The following WDPCP variants were observed in gnomAD, a reference collection of about 807,000 sequenced individuals.
WDPCP encodes the protein WD repeat-containing and planar cell polarity effector protein fritz homolog.
In WDPCP, 71 loss-of-function variants were observed where a neutral mutation model predicts 93.1. The ratio of observed to expected loss-of-function variants is 0.76; its 90% CI spans 0.63 to 0.93. The LOEUF is 0.93. Ranked by LOEUF, WDPCP falls within the 40% of genes least tolerant of loss-of-function variation. The pLI is 0.00. For missense variants in WDPCP, 844 were observed against 887.4 expected, an observed-to-expected ratio of 0.95 and a Z score of 0.62; for synonymous variants, 315 against 315.0, an observed-to-expected ratio of 1.00 and a Z score of 0.00.
intron 2 of WDPCP, among the ~76,000 whole-genome samples, chr2:63,747,101 G>T (rs970947311): frequency 6.6e-6 from 1 of 152,004 alleles, no homozygotes; most frequent in African/African-American, 2.4e-5. Context: ...AATATCGGGG[G>T]CTGAATTTTC....
intron 12 of WDPCP, among the ~76,000 whole-genome samples, chr2:63,346,523 T>G (rs558128218): frequency 2.0e-5 from 3 of 152,166 alleles, no homozygotes; most frequent in Non-Finnish European, 4.4e-5. Context: ...GAACATATAA[T>G]TCCCACAGGC....
At chr2:63,187,217 C>CT (rs1168871562) in intron 14 of WDPCP, among the ~76,000 whole-genome samples, 2 of 152,120 alleles carry the variant, frequency 1.3e-5, no homozygotes, top group African/African-American at 4.8e-5. Context: ...CATAGCATAT[C>CT]TTTTTTCATC....
chr2:63,312,891 G>A (rs1370543530), intron 13 of WDPCP, among the ~76,000 whole-genome samples: 6 of 152,022 alleles, frequency 3.9e-5, no homozygotes, highest in Non-Finnish European at 7.4e-5. Flanking sequence ...TTTGCCCTAT[G>A]TCCTGGATTC....
At chr2:63,722,875 G>A (rs1669446000) in intron 2 of WDPCP, among the ~76,000 whole-genome samples, 3 of 152,078 alleles carry the variant, frequency 2.0e-5, no homozygotes, top group African/African-American at 7.2e-5. Flanking sequence ...TTGAGAAATC[G>A]GATGGTTGCC....
At chr2:63,122,963 C>T (rs1189750628) in intron 17 of WDPCP, among the ~76,000 whole-genome samples, 1 of 148,016 alleles carries the variant, frequency 6.8e-6, no homozygotes, top group Non-Finnish European at 1.5e-5. Flanking sequence ...AGTCACATAT[C>T]AAAGGAAACA....
At position 63,238,288 on chromosome 2, in the gene WDPCP, T is replaced by C. The variant is rs569141476; in HGVS notation, c.1915+21019A>G. 2.3e-4 allele frequency among the ~76,000 whole-genome samples: 35 copies of C among 152,308 alleles called. No homozygotes were observed. The East Asian group carries it at 2.9e-3, about 13-fold the overall frequency. On this transcript the variant is annotated intron_variant, in intron 14 of 17. Coordinates refer to ENST00000272321, the MANE Select transcript of WDPCP (RefSeq NM_015910.7). The stretch of plus-strand genomic sequence containing the variant: ...AAGCTTCTGGGAAACTCCTGAATTA[T>C]TGATGTTGTAAAGCTGCAGTTTCCA...
chr2:63,161,644 A>G (rs967570366), intron 15 of WDPCP, among the ~76,000 whole-genome samples: 5 of 152,236 alleles, frequency 3.3e-5, no homozygotes, highest in African/African-American at 1.2e-4. Flanking sequence ...GTTGAAAATC[A>G]TAATAAATGG....
chr2:63,569,931 T>C (rs1707358352), intron 1 of WDPCP, among the ~76,000 whole-genome samples: 1 of 152,172 alleles, frequency 6.6e-6, no homozygotes, highest in African/African-American at 2.4e-5. Context: ...TGAGTACCTA[T>C]ATATAGTTAA....
At chr2:63,200,062 T>C (rs139515956) in intron 14 of WDPCP, among the ~76,000 whole-genome samples, 2 of 152,328 alleles carry the variant, frequency 1.3e-5, no homozygotes, top group African/African-American at 4.8e-5. Context: ...CAAACTTGCA[T>C]GGGGCCTGTA....
chr2:63,266,017 A>C (rs1575015988), intron 13 of WDPCP, among the ~76,000 whole-genome samples: 3 of 152,308 alleles, frequency 2.0e-5, no homozygotes, highest in Admixed American at 2.0e-4. Flanking sequence ...CAACACAATA[A>C]AGGCCATATA....
intron 2 of WDPCP, among the ~76,000 whole-genome samples, chr2:63,666,477 C>T (rs1710284449): frequency 6.6e-6 from 1 of 152,214 alleles, no homozygotes; most frequent in Non-Finnish European, 1.5e-5. Context: ...ATGTTTAAAA[C>T]TCCAGTTTGA....
At chr2:63,424,400 A>G (rs1394068203) in intron 9 of WDPCP, among the ~76,000 whole-genome samples, 2 of 152,154 alleles carry the variant, frequency 1.3e-5, no homozygotes, top group African/African-American at 2.4e-5. Flanking sequence ...TGTCTTTCTC[A>G]TAAGACTGAG....
chr2:63,139,611 A>G (rs1047075776), intron 17 of WDPCP, among the ~76,000 whole-genome samples: 10 of 152,040 alleles, frequency 6.6e-5, no homozygotes, highest in African/African-American at 2.4e-4. Flanking sequence ...GGCCATTTGT[A>G]TATGTTCTTT....
At chr2:63,644,125 A>G (rs538917369) in intron 3 of WDPCP, 61 of 335,808 alleles carry the variant, frequency 1.8e-4, no homozygotes, top group African/African-American at 1.1e-3. Flanking sequence ...TTTTTGCATC[A>G]ATGTTCATCA....
intron 10 of WDPCP, among the ~76,000 whole-genome samples, chr2:63,388,893 A>G (rs1038213012): frequency 3.3e-5 from 5 of 152,202 alleles, no homozygotes; most frequent in Non-Finnish European, 7.3e-5. Flanking sequence ...GAAATATGGG[A>G]CTATGTAAAA....
intron 13 of WDPCP, among the ~76,000 whole-genome samples, chr2:63,302,113 A>G (rs1444559447): frequency 1.3e-5 from 2 of 152,188 alleles, no homozygotes. Flanking sequence ...ACAGGACCTT[A>G]GGCAAATAAA....
intron 3 of WDPCP, among the ~76,000 whole-genome samples, chr2:63,625,668 C>A (rs1174403864): frequency 6.6e-6 from 1 of 152,120 alleles, no homozygotes; most frequent in Non-Finnish European, 1.5e-5. Flanking sequence ...GAACTACAAA[C>A]CACGCTCAAG....
intron 15 of WDPCP, among the ~76,000 whole-genome samples, chr2:63,162,610 CTTA>C (rs568325172): frequency 1.7e-4 from 26 of 152,192 alleles, no homozygotes; most frequent in African/African-American, 5.1e-4. Context: ...AAGTAGTTAA[CTTA>C]TTATTAAATA....
chr2:63,530,880 C>T (rs1469924287), intron 1 of WDPCP, among the ~76,000 whole-genome samples: 1 of 94 alleles, frequency 0.011, no homozygotes, highest in African/African-American at 0.038. Context: ...TGAGCCAAAG[C>T]AAGGCGGGCA....
Sources: allele counts gnomAD v4.1 joint callset (sites outside exome capture counted in the v4.1 genomes callset), GRCh38; gene constraint gnomAD v4.1.1; transcripts MANE v1.5; gene names NCBI Gene and HGNC (gene_info 2026-07-23, HGNC 2026-07-21).